The following RABGAP1L variants were observed in gnomAD, a reference collection of about 807,000 sequenced individuals.
RABGAP1L encodes rab GTPase-activating protein 1-like.
A neutral mutation model predicts 137.7 loss-of-function variants in RABGAP1L; 63 were observed. The ratio of observed to expected loss-of-function variants is 0.46; its 90% CI spans 0.37 to 0.56. The LOEUF is 0.56. RABGAP1L is among the 20% of genes least tolerant of loss of function. RABGAP1L has a pLI of 0.00. For missense variants in RABGAP1L, 1,095 were observed against 1,244.0 expected (o/e 0.88, Z 1.80); for synonymous variants, 431 against 433.7 (o/e 0.99, Z 0.08).
rs936302924 is a variant in RABGAP1L, at chr1:174,991,761, T to C, written c.*1760T>C. The stretch of plus-strand genomic sequence containing the variant: ...GGCTTTAACATTCTCTACATGGTGG[T>C]CTAGATAAGCTAATTTTTTTTTTTT... On this transcript the variant is annotated 3_prime_UTR_variant, in exon 26 of 26. Transcript: ENST00000681986. The C allele has an allele frequency of 1.4e-5, 2 of 145,812 alleles. No individual in the cohort carries two copies. The highest frequency in any genetic ancestry group is 5.2e-5 in the African/African-American group (2 of 38,214). The allele number at this position is 145,812 out of a possible 1,614,324, so 9.0% of individuals were successfully genotyped here. A position where few individuals can be genotyped will look rare whatever the true frequency, so the allele number is the denominator to read the frequency against.
chr1:174,674,476 C>G (rs1324706358), intron 14 of RABGAP1L, among the ~76,000 whole-genome samples: 1 of 150,444 alleles, frequency 6.6e-6, no homozygotes, highest in African/African-American at 2.4e-5. Context: ...TTTTCTTAAT[C>G]CAGTCTATCA....
chr1:174,545,756 G>C (rs926228132), intron 13 of RABGAP1L: 3 of 152,232 alleles, frequency 2.0e-5, no homozygotes, highest in African/African-American at 7.2e-5. Flanking sequence ...CACTCTTCCT[G>C]TTGCTGCCTA....
chr1:174,275,009 G>A (rs924735577), intron 8 of RABGAP1L: 5 of 152,194 alleles, frequency 3.3e-5, no homozygotes, highest in African/African-American at 1.2e-4. Context: ...TGTATGCTGT[G>A]TGTTGTTCTT....
chr1:174,720,766 G>T (rs910997633), intron 17 of RABGAP1L, among the ~76,000 whole-genome samples: 1 of 152,146 alleles, frequency 6.6e-6, no homozygotes, highest in African/African-American at 2.4e-5. Flanking sequence ...AAGAGAGGAG[G>T]GATTGACGAG....
In RABGAP1L at chr1:174,888,435, G is replaced by A. The variant is rs528460238; in HGVS notation, c.2341-69022G>A. On this transcript the variant is annotated intron_variant, in intron 19 of 25. Transcript: ENST00000681986. ...TTTCTTTCCTTACAGTGGGCTAGGA[G>A]AAATCTTGATCATGCCTTCCACTTT... 1.8e-3 allele frequency among the ~76,000 whole-genome samples: 278 copies of A among 152,324 alleles called. 1 individual carries two copies. Among genetic ancestry groups the A allele is most frequent in the Admixed American group, 3.3e-3 (51 of 15,294 alleles).
At chr1:174,849,858 A>T (rs575681069) in intron 19 of RABGAP1L, 120 of 559,818 alleles carry the variant, frequency 2.1e-4, no homozygotes, top group South Asian at 1.6e-3. Context: ...CTTAATATTT[A>T]TCATATTAAA....
chr1:174,438,744 GTATATATATATATA>G lies in RABGAP1L; in HGVS notation c.1710+44619_1710+44632del, dbSNP rs71117563. ...AAAAACCCAAAAAAAGTGTGTGTGT[GTATATATATATATA>G]TATATATATATATATATATGACTTT... On this transcript the variant is annotated intron_variant, in intron 13 of 25. Transcript: ENST00000681986. Among the ~76,000 whole-genome samples, 434 of 95,448 alleles carry G rather than the reference GTATATATATATATA, an allele frequency of 4.5e-3. 13 individuals carry two copies. Among genetic ancestry groups the G allele is most frequent in the African/African-American group, 0.019 (393 of 21,060 alleles). 62.6% of individuals were successfully genotyped at this position (95,448 alleles called of 152,430 possible).
intron 13 of RABGAP1L, among the ~76,000 whole-genome samples, chr1:174,402,124 T>C (rs1180372159): frequency 6.6e-6 from 1 of 152,194 alleles, no homozygotes; most frequent in Non-Finnish European, 1.5e-5. Flanking sequence ...GGAGACATTA[T>C]GTCTAGTGCT....
chr1:174,716,865 T>TAAG (rs1681063360), intron 17 of RABGAP1L, among the ~76,000 whole-genome samples: 1 of 152,176 alleles, frequency 6.6e-6, no homozygotes, highest in Non-Finnish European at 1.5e-5. Context: ...TGGTAATTAT[T>TAAG]TCTTAAGGCA....
At chr1:174,252,225 C>G (rs2148599495) in intron 6 of RABGAP1L, among the ~76,000 whole-genome samples, 1 of 152,236 alleles carries the variant, frequency 6.6e-6, no homozygotes, top group South Asian at 2.1e-4. Context: ...TTGCTTTTAA[C>G]TTTGGTTAGC....
intron 1 of RABGAP1L, among the ~76,000 whole-genome samples, chr1:174,172,414 G>A (rs1665493004): frequency 6.6e-6 from 1 of 152,088 alleles, no homozygotes; most frequent in Non-Finnish European, 1.5e-5. Flanking sequence ...TTAATGTTTT[G>A]AGGAACTTCT....
chr1:174,852,224 G>A (rs2987873), intron 19 of RABGAP1L, among the ~76,000 whole-genome samples: 98,224 of 151,986 alleles, frequency 0.65, 34,242 homozygotes, highest in East Asian at 0.93. Flanking sequence ...AGTGTCGGAG[G>A]ATTCAAGAGT....
chr1:174,215,621 A>G (rs917360842), intron 1 of RABGAP1L, among the ~76,000 whole-genome samples: 3 of 152,180 alleles, frequency 2.0e-5, no homozygotes, highest in Non-Finnish European at 4.4e-5. Context: ...CTACAATGAG[A>G]TATTATCTCA....
intron 13 of RABGAP1L, among the ~76,000 whole-genome samples, chr1:174,601,234 A>G (rs1004779668): frequency 6.6e-6 from 1 of 151,972 alleles, no homozygotes; most frequent in Non-Finnish European, 1.5e-5. Context: ...CCACAAAACT[A>G]CTTTTTCCTC....
chr1:174,526,773 A>G (rs1663909883), intron 13 of RABGAP1L, among the ~76,000 whole-genome samples: 1 of 151,594 alleles, frequency 6.6e-6, no homozygotes, highest in South Asian at 2.1e-4. Context: ...CAAAGAACCA[A>G]TTTTTCATTT....
At chr1:174,973,584 C>G (rs1670354086) in intron 21 of RABGAP1L, among the ~76,000 whole-genome samples, 2 of 151,970 alleles carry the variant, frequency 1.3e-5, no homozygotes, top group Admixed American at 6.6e-5. Flanking sequence ...GGGGTTTCAC[C>G]ATGTTGGCCA....
chr1:174,838,341 C>T (rs1381933520), intron 19 of RABGAP1L, among the ~76,000 whole-genome samples: 1 of 152,076 alleles, frequency 6.6e-6, no homozygotes, highest in African/African-American at 2.4e-5. Flanking sequence ...CCTAAGGGGT[C>T]CTACCTGTAG....
rs78353857 is a variant in RABGAP1L, at chr1:174,616,350, G to A, written c.1711-21025G>A. Among the ~76,000 whole-genome samples, 547 of 152,324 alleles carry A rather than the reference G, an allele frequency of 3.6e-3. 5 individuals are homozygous for A. Among genetic ancestry groups the A allele is most frequent in the African/African-American group, 0.011 (469 of 41,574 alleles). On this transcript the variant is annotated intron_variant, in intron 13 of 25. Transcript: ENST00000681986. Reference sequence around the variant, plus strand: ...CTGTTGTCTAAATGATGTTGGGAGAGAATTTAAACTTCAAAGCAAACATTT... The same window carrying A: ...CTGTTGTCTAAATGATGTTGGGAGAAAATTTAAACTTCAAAGCAAACATTT...
chr1:174,497,861 CTA>C (rs1660885843), intron 13 of RABGAP1L, among the ~76,000 whole-genome samples: 1 of 152,190 alleles, frequency 6.6e-6, no homozygotes, highest in South Asian at 2.1e-4. Context: ...TTGAGTATCT[CTA>C]TTAATGTCAG....
Sources: gnomAD v4.1 joint callset for allele counts (sites outside exome capture counted in the v4.1 genomes callset) on GRCh38, gnomAD v4.1.1 for gene constraint, MANE v1.5 for transcripts, NCBI Gene and HGNC (gene_info 2026-07-23, HGNC 2026-07-21) for gene names.